Variants in MYO3A observed in about 807,000 individuals in gnomAD.
MYO3A encodes the protein myosin-IIIa.
Under a neutral mutation model 192.7 loss-of-function variants are expected in MYO3A, and 180 were observed. The ratio of observed to expected loss-of-function variants is 0.93; its 90% CI spans 0.83 to 1.06. The LOEUF (loss-of-function observed/expected upper bound fraction) is 1.06, where lower values mean the gene tolerates loss of function less well. MYO3A is among the 50% of genes least tolerant of loss of function. MYO3A has a pLI of 0.00. For synonymous variants in MYO3A, 628 were observed against 645.3 expected, an observed-to-expected ratio of 0.97 and a Z score of 0.41; for missense variants, 1,896 against 1,905.0, an observed-to-expected ratio of 1.00 and a Z score of 0.09.
chr10:26,175,095 C>G (rs1465991329), intron 30 of MYO3A, among the ~76,000 whole-genome samples: 1 of 152,134 alleles, frequency 6.6e-6, no homozygotes, highest in African/African-American at 2.4e-5. Flanking sequence ...GAGAAAAGTT[C>G]CCTCCTGGAG....
intron 10 of MYO3A, among the ~76,000 whole-genome samples, chr10:26,040,346 A>G (rs1410584721): frequency 6.6e-6 from 1 of 152,126 alleles, no homozygotes; most frequent in East Asian, 1.9e-4. Context: ...AATCATCAGA[A>G]TTGTCTATTT....
chr10:26,174,275 A>G lies in MYO3A; in HGVS notation c.4011A>G (p.Glu1337=). ...RHETVKERQV[E]PVTQAQEEED... ...AGACAGTCAAAGAGAGGCAAGTTGA[A>G]CCAGTGACACAGGCCCAGGAGGAAG... The change falls in exon 30 of 35, where the codon GAA becomes GAG. Residue 1337 remains glutamate (E), a synonymous_variant. Coordinates refer to ENST00000642920, the MANE Select transcript of MYO3A (RefSeq NM_017433.5). 2.5e-6 allele frequency: 4 copies of G among 1,614,002 alleles called. No individual in the cohort carries two copies. The highest frequency in any genetic ancestry group is 1.3e-5 in the African/African-American group (1 of 75,024).
At chr10:26,169,636 G>A (rs990406116) in intron 28 of MYO3A, among the ~76,000 whole-genome samples, 2 of 152,028 alleles carry the variant, frequency 1.3e-5, no homozygotes, top group East Asian at 1.9e-4. Flanking sequence ...CACTAATATC[G>A]TGGGCAGAGG....
chr10:26,154,350 T>C (rs926122556), intron 24 of MYO3A, among the ~76,000 whole-genome samples: 1 of 152,192 alleles, frequency 6.6e-6, no homozygotes. Context: ...CAGCTAATTT[T>C]TCTATTTTTA....
chr10:26,029,127 C>T (rs1338042616), intron 10 of MYO3A, among the ~76,000 whole-genome samples: 1 of 152,148 alleles, frequency 6.6e-6, no homozygotes, highest in Non-Finnish European at 1.5e-5. Context: ...GTTCAAACAT[C>T]GTGAGAATGG....
chr10:26,164,048 T>C (rs1841607318), intron 26 of MYO3A, among the ~76,000 whole-genome samples: 1 of 152,178 alleles, frequency 6.6e-6, no homozygotes, highest in Non-Finnish European at 1.5e-5. Context: ...CCTGTTAGAT[T>C]TCACCACTCC....
intron 10 of MYO3A, among the ~76,000 whole-genome samples, chr10:26,049,990 G>C (rs926704809): frequency 2.0e-5 from 3 of 151,808 alleles, no homozygotes; most frequent in African/African-American, 7.3e-5. Context: ...CTTTCTACTT[G>C]TTTATAGTTG....
chr10:26,055,020 C>T (rs1006587575), intron 10 of MYO3A, among the ~76,000 whole-genome samples: 1 of 152,182 alleles, frequency 6.6e-6, no homozygotes, highest in Non-Finnish European at 1.5e-5. Flanking sequence ...GAAAGCTGAC[C>T]CTGGTGTGCT....
At chr10:26,126,213 C>T (rs1839207646) in intron 19 of MYO3A, among the ~76,000 whole-genome samples, 1 of 152,128 alleles carries the variant, frequency 6.6e-6, no homozygotes, top group South Asian at 2.1e-4. Context: ...TGACTGAGTG[C>T]TCTCTATAGG....
rs1299908128 is a variant in MYO3A at position 26,123,943 on chromosome 10, C to T, written c.1904-1455C>T. Reference sequence around the variant, plus strand: ...TCCATCTAAAACAAAAAACAAAAAACAAACAAACAAAAAAGACCTTTCTTG... The same window carrying T: ...TCCATCTAAAACAAAAAACAAAAAATAAACAAACAAAAAAGACCTTTCTTG... On this transcript the variant is annotated intron_variant, in intron 18 of 34. Coordinates refer to ENST00000642920, the MANE Select transcript of MYO3A (RefSeq NM_017433.5). 2.0e-5 allele frequency among the ~76,000 whole-genome samples: 3 copies of T among 150,344 alleles called. No individual in the cohort carries two copies. The East Asian group carries it at 5.8e-4, about 29-fold the overall frequency.
At chr10:25,956,411 A>G (rs980355998) in intron 4 of MYO3A, among the ~76,000 whole-genome samples, 2 of 151,536 alleles carry the variant, frequency 1.3e-5, no homozygotes, top group African/African-American at 4.8e-5. Flanking sequence ...GCTCACTGCA[A>G]CAGCCTCCTG....
At chr10:26,071,747 G>A (rs1166411024) in intron 14 of MYO3A, among the ~76,000 whole-genome samples, 8 of 152,148 alleles carry the variant, frequency 5.3e-5, no homozygotes, top group African/African-American at 1.9e-4. Context: ...TGTATGGTAC[G>A]TAAACAAATG....
intron 28 of MYO3A, among the ~76,000 whole-genome samples, chr10:26,170,165 C>T (rs957721713): frequency 4.6e-5 from 7 of 152,212 alleles, no homozygotes; most frequent in African/African-American, 1.7e-4. Context: ...CAACTTTGCT[C>T]ATCTCTATCA....
Position 26,210,869 on chromosome 10 carries a change from C to A in MYO3A, c.4731-974C>A, listed in dbSNP as rs143554512. Among the ~76,000 whole-genome samples the A allele has an allele frequency of 1.1e-3, 163 of 152,100 alleles. 2 individuals carry two copies. The highest frequency in any genetic ancestry group is 3.9e-3 in the African/African-American group (161 of 41,442). On this transcript the variant is annotated intron_variant, in intron 34 of 34. Coordinates refer to ENST00000642920, the MANE Select transcript of MYO3A (RefSeq NM_017433.5). ...TGATCTATCATCCTGGAATTACTGC[C>A]CTTCCCCACGAGATCTGCATGGCTC...
chr10:26,149,884 A>G (rs1488875983), intron 23 of MYO3A, among the ~76,000 whole-genome samples: 8 of 152,186 alleles, frequency 5.3e-5, no homozygotes, highest in African/African-American at 1.9e-4. Flanking sequence ...TGCAACCACC[A>G]CAACTACTAG....
At chr10:26,134,074 G>T (rs1362615222) in intron 20 of MYO3A, among the ~76,000 whole-genome samples, 1 of 152,052 alleles carries the variant, frequency 6.6e-6, no homozygotes, top group East Asian at 1.9e-4. Flanking sequence ...TGAGAAACAG[G>T]TATCATATCC....
intron 30 of MYO3A, among the ~76,000 whole-genome samples, chr10:26,175,420 C>A (rs1447963304): frequency 1.3e-5 from 2 of 152,126 alleles, no homozygotes; most frequent in Non-Finnish European, 2.9e-5. Flanking sequence ...CTCTAAAATA[C>A]ATGAATTTCC....
chr10:26,076,415 T>C (rs191915034), intron 14 of MYO3A, among the ~76,000 whole-genome samples: 1 of 152,298 alleles, frequency 6.6e-6, no homozygotes, highest in Non-Finnish European at 1.5e-5. Context: ...GTCAGATGTA[T>C]AGATTGTGAA....
chr10:26,112,732 A>AG (rs1838269879), intron 17 of MYO3A, among the ~76,000 whole-genome samples: 1 of 152,240 alleles, frequency 6.6e-6, no homozygotes, highest in Admixed American at 6.5e-5. Flanking sequence ...CACAATCCAA[A>AG]GGAATGACAG....
Sources: allele counts gnomAD v4.1 joint callset (sites outside exome capture counted in the v4.1 genomes callset), GRCh38; gene constraint gnomAD v4.1.1; transcripts MANE v1.5; gene names NCBI Gene and HGNC (gene_info 2026-07-23, HGNC 2026-07-21).